ZNF385D: variants seen among roughly 807,000 people sequenced by gnomAD.
ZNF385D encodes the protein zinc finger protein 385D.
Under a neutral mutation model 35.8 loss-of-function variants are expected in ZNF385D, and 15 were observed. The observed-to-expected ratio is 0.42, with a 90% CI of 0.28 to 0.64. The LOEUF (loss-of-function observed/expected upper bound fraction) is 0.64. ZNF385D is among the 30% of genes least tolerant of loss of function. ZNF385D has a pLI of 0.23. For missense variants in ZNF385D, 474 were observed against 494.6 expected, an observed-to-expected ratio of 0.96 and a Z score of 0.39; for synonymous variants, 212 against 186.8, an observed-to-expected ratio of 1.13 and a Z score of -1.10.
At chr3:21,455,272 C>A (rs573533940) in intron 4 of ZNF385D, among the ~76,000 whole-genome samples, 1 of 152,164 alleles carries the variant, frequency 6.6e-6, no homozygotes, top group South Asian at 2.1e-4. Context: ...GAACCCGCAT[C>A]GCCAAGTCAA....
At chr3:22,369,811 A>T (rs866010801) in intron 2 of ZNF385D, among the ~76,000 whole-genome samples, 19 of 152,194 alleles carry the variant, frequency 1.2e-4, no homozygotes, top group Middle Eastern at 3.2e-3. Flanking sequence ...TAAAACCTCA[A>T]AATCTTTATA....
At chr3:22,200,905 T>A (rs1219259239) in intron 2 of ZNF385D, among the ~76,000 whole-genome samples, 1 of 152,184 alleles carries the variant, frequency 6.6e-6, no homozygotes, top group African/African-American at 2.4e-5. Flanking sequence ...AGGTTATCTC[T>A]CTTGTTCCCT....
chr3:21,987,920 C>T (rs1321255196), intron 3 of ZNF385D, among the ~76,000 whole-genome samples: 1 of 146,182 alleles, frequency 6.8e-6, no homozygotes, highest in African/African-American at 2.5e-5. Flanking sequence ...TCATTCATTT[C>T]ATCTTCCATT....
intron 4 of ZNF385D, among the ~76,000 whole-genome samples, chr3:21,500,910 C>T (rs1448300266): frequency 6.6e-6 from 1 of 152,194 alleles, no homozygotes; most frequent in Admixed American, 6.5e-5. Context: ...CAATTAGAAA[C>T]TGGGTCCACC....
chr3:21,432,894 T>C (rs1361917207), intron 5 of ZNF385D, among the ~76,000 whole-genome samples: 9 of 151,984 alleles, frequency 5.9e-5, no homozygotes, highest in Admixed American at 2.6e-4. Flanking sequence ...TACACACTAG[T>C]GAAAAATCAA....
intron 4 of ZNF385D, among the ~76,000 whole-genome samples, chr3:21,438,025 C>A (rs1701658370): frequency 6.6e-6 from 1 of 152,134 alleles, no homozygotes. Flanking sequence ...CACTGTAACT[C>A]TACAACCCTT....
intron 1 of ZNF385D, among the ~76,000 whole-genome samples, chr3:21,714,084 C>A (rs986743738): frequency 1.3e-5 from 2 of 152,284 alleles, no homozygotes; most frequent in Admixed American, 1.3e-4. Flanking sequence ...TGAAATTCTG[C>A]TTAAATTTAA....
chr3:22,112,788 ATTGT>A (rs1702602694), intron 3 of ZNF385D, among the ~76,000 whole-genome samples: 4 of 152,074 alleles, frequency 2.6e-5, no homozygotes, highest in African/African-American at 9.7e-5. Flanking sequence ...TACAAACTTC[ATTGT>A]TTGTTAAGCC....
intron 3 of ZNF385D, among the ~76,000 whole-genome samples, chr3:22,006,800 A>G (rs928362029): frequency 3.3e-5 from 5 of 151,988 alleles, no homozygotes; most frequent in African/African-American, 9.7e-5. Flanking sequence ...GAATAAAACC[A>G]AAAACTAAAA....
intron 3 of ZNF385D, among the ~76,000 whole-genome samples, chr3:22,147,304 G>C (rs529921990): frequency 2.0e-5 from 3 of 152,254 alleles, no homozygotes; most frequent in Non-Finnish European, 2.9e-5. Flanking sequence ...GTTTGTGGGG[G>C]ATTGATGCCA....
chr3:22,091,478 A>G (rs1175100318), intron 3 of ZNF385D, among the ~76,000 whole-genome samples: 2 of 152,176 alleles, frequency 1.3e-5, no homozygotes, highest in African/African-American at 2.4e-5. Context: ...ATGACTAGTA[A>G]TCAGAACACC....
intron 3 of ZNF385D, among the ~76,000 whole-genome samples, chr3:21,911,910 T>A (rs949197728): frequency 2.0e-5 from 3 of 151,948 alleles, no homozygotes; most frequent in Non-Finnish European, 4.4e-5. Context: ...GATAATAATG[T>A]AAGCATATAT....
chr3:21,920,978 G>A (rs1435164893), intron 3 of ZNF385D, among the ~76,000 whole-genome samples: 1 of 152,038 alleles, frequency 6.6e-6, no homozygotes. Flanking sequence ...CACTCTGGGA[G>A]GCTGAGGCGG....
At chr3:21,598,198 A>G (rs1292046761) in intron 2 of ZNF385D, among the ~76,000 whole-genome samples, 2 of 152,230 alleles carry the variant, frequency 1.3e-5, no homozygotes, top group Non-Finnish European at 2.9e-5. Context: ...GACGGTATCT[A>G]TAAAGATATA....
chr3:21,960,480 T>G (rs987010819), intron 3 of ZNF385D, among the ~76,000 whole-genome samples: 4 of 152,070 alleles, frequency 2.6e-5, no homozygotes, highest in African/African-American at 9.7e-5. Context: ...CCTTGTACAC[T>G]GTTGGTGGAA....
Position 21,555,212 on chromosome 3 carries a change from G to A in ZNF385D, c.276+9362C>T, listed in dbSNP as rs893712220. The stretch of plus-strand genomic sequence containing the variant: ...TTCACTTGAACACATACAGGCAATT[G>A]TAGTTTTTTTTTTTTTTTTAATACT... On this transcript the variant is annotated intron_variant, in intron 3 of 7. Transcript: ENST00000281523. Among the ~76,000 whole-genome samples the A allele has an allele frequency of 2.1e-5, 3 of 143,216 alleles. No homozygotes were observed. In the Admixed American group the frequency reaches 2.1e-4, roughly 10 times the overall value. 94.0% of individuals were successfully genotyped at this position (143,216 alleles called of 152,430 possible).
intron 2 of ZNF385D, among the ~76,000 whole-genome samples, chr3:22,229,803 C>G (rs1305052095): frequency 1.3e-5 from 2 of 152,126 alleles, no homozygotes; most frequent in African/African-American, 4.8e-5. Flanking sequence ...TCTCTGAGGT[C>G]TCCCCTTGGG....
intron 3 of ZNF385D, among the ~76,000 whole-genome samples, chr3:21,864,450 A>G (rs1697224226): frequency 6.6e-6 from 1 of 152,084 alleles, no homozygotes; most frequent in South Asian, 2.1e-4. Flanking sequence ...TAGCAGTGTA[A>G]CTGGAAAAGT....
At chr3:21,976,123 C>A (rs1289244468) in intron 3 of ZNF385D, among the ~76,000 whole-genome samples, 2 of 152,106 alleles carry the variant, frequency 1.3e-5, no homozygotes, top group African/African-American at 4.8e-5. Context: ...AAGCTGCAGA[C>A]TAGCCAAAGT....
Sources: gnomAD v4.1 joint callset for allele counts (sites outside exome capture counted in the v4.1 genomes callset) on GRCh38, gnomAD v4.1.1 for gene constraint, MANE v1.5 for transcripts, NCBI Gene and HGNC (gene_info 2026-07-23, HGNC 2026-07-21) for gene names.